CTDSPL2: variants seen among roughly 807,000 people sequenced by gnomAD.
The protein encoded by CTDSPL2 is CTD small phosphatase like 2, also known as CTD small phosphatase-like protein 2.
In CTDSPL2, 5 loss-of-function variants were observed where a neutral mutation model predicts 60.0. The ratio of observed to expected loss-of-function variants is 0.08; its 90% CI spans 0.04 to 0.18. The LOEUF (loss-of-function observed/expected upper bound fraction) is 0.18. Among genes scored for constraint, CTDSPL2 ranks in the 10% least tolerant of loss-of-function variants. The pLI, the probability that CTDSPL2 is intolerant of heterozygous loss-of-function variation, is 1.00. For synonymous variants in CTDSPL2, 186 were observed against 189.3 expected (o/e 0.98, Z 0.14); for missense variants, 370 against 548.8 (o/e 0.67, Z 3.26).
intron 2 of CTDSPL2, among the ~76,000 whole-genome samples, chr15:44,464,904 C>T (rs1022084189): frequency 6.6e-6 from 1 of 152,120 alleles, no homozygotes; most frequent in Non-Finnish European, 1.5e-5. Context: ...TGGGGTTTCT[C>T]CATGTTGCCC....
chr15:44,453,748 C>T (rs974598091), intron 1 of CTDSPL2, among the ~76,000 whole-genome samples: 2 of 152,110 alleles, frequency 1.3e-5, no homozygotes, highest in African/African-American at 4.8e-5. Flanking sequence ...CTACAAAGGA[C>T]ATGAACTCAT....
intron 1 of CTDSPL2, among the ~76,000 whole-genome samples, chr15:44,434,274 C>T (rs2079927557): frequency 1.3e-5 from 2 of 152,102 alleles, no homozygotes; most frequent in African/African-American, 2.4e-5. Context: ...GTGGCGCATG[C>T]CTGTAGTCCC....
intron 10 of CTDSPL2, among the ~76,000 whole-genome samples, chr15:44,515,917 C>T (rs1055849428): frequency 1.3e-5 from 2 of 150,288 alleles, no homozygotes; most frequent in Admixed American, 6.6e-5. Flanking sequence ...TTGGTTCGTT[C>T]GTTCTTTCTC....
chr15:44,427,842 C>T, intron 1 of CTDSPL2, 70 bp downstream of exon 1: 1 of 396,442 alleles, frequency 2.5e-6, no homozygotes, highest in East Asian at 3.6e-5. Context: ...GGGCCGTCTG[C>T]CGGGATCTCC....
chr15:44,456,091 C>G (rs1008690829), intron 1 of CTDSPL2, among the ~76,000 whole-genome samples: 81 of 151,884 alleles, frequency 5.3e-4, no homozygotes, highest in Non-Finnish European at 7.5e-4. Context: ...ACCTCGTGAT[C>G]CACCCGCCTC....
chr15:44,458,184 A>C (rs549514373), intron 1 of CTDSPL2, among the ~76,000 whole-genome samples: 1 of 152,362 alleles, frequency 6.6e-6, no homozygotes, highest in East Asian at 1.9e-4. Context: ...GTGATAAAAC[A>C]TAACTAAGTG....
At chr15:44,465,052 C>T (rs1472546527) in intron 2 of CTDSPL2, among the ~76,000 whole-genome samples, 10 of 152,034 alleles carry the variant, frequency 6.6e-5, no homozygotes, top group East Asian at 1.9e-4. Flanking sequence ...TCTTCAAATA[C>T]GGTCACGTTC....
intron 2 of CTDSPL2, among the ~76,000 whole-genome samples, chr15:44,467,068 T>C (rs866858918): frequency 1.3e-5 from 2 of 152,222 alleles, no homozygotes; most frequent in South Asian, 4.1e-4. Flanking sequence ...TAGAGTATTA[T>C]AATCTTACGA....
intron 5 of CTDSPL2, 107 bp from the exon 6 acceptor site, chr15:44,496,273 T>TG: frequency 1.3e-6 from 1 of 749,712 alleles, no homozygotes; most frequent in Non-Finnish European, 2.2e-6. Context: ...ATTTCTGTCT[T>TG]TAAAATACAC....
At chr15:44,441,357 G>A (rs1171322847) in intron 1 of CTDSPL2, among the ~76,000 whole-genome samples, 1 of 152,048 alleles carries the variant, frequency 6.6e-6, no homozygotes, top group Non-Finnish European at 1.5e-5. Flanking sequence ...TTTTCCCATT[G>A]TAGAAGCTGC....
At chr15:44,515,968 A>G (rs372085129) in intron 10 of CTDSPL2, among the ~76,000 whole-genome samples, 1 of 125,052 alleles carries the variant, frequency 8.0e-6, no homozygotes, top group Admixed American at 8.1e-5. Flanking sequence ...CTCTTTCTCT[A>G]TTTCTTTCTT....
At chr15:44,502,092 C>T in intron 8 of CTDSPL2, 1 of 371,672 alleles carries the variant, frequency 2.7e-6, no homozygotes, top group Non-Finnish European at 5.4e-6. Context: ...TATGATGTGG[C>T]CCACTTAAAG....
intron 4 of CTDSPL2, among the ~76,000 whole-genome samples, chr15:44,489,377 G>A (rs928032027): frequency 1.3e-5 from 2 of 152,118 alleles, no homozygotes; most frequent in Non-Finnish European, 2.9e-5. Flanking sequence ...GATACACCAC[G>A]AAGTCTAACT....
chr15:44,526,309 A>T lies in CTDSPL2; in HGVS notation c.*2135A>T, dbSNP rs2081872756. 1 of 152,106 alleles carries T rather than the reference A, an allele frequency of 6.6e-6. No individual in the cohort carries two copies. Among genetic ancestry groups the T allele is most frequent in the African/African-American group, 2.4e-5 (1 of 41,450 alleles). 9.4% of individuals were successfully genotyped at this position (152,106 alleles called of 1,614,324 possible). ...CAGCATGCATTCTGATTGCTGAAAG[A>T]TTTCCTGATTTAGTGCATTCTCAAA... On this transcript the variant is annotated 3_prime_UTR_variant, in exon 13 of 13. Coordinates refer to ENST00000260327, the MANE Select transcript of CTDSPL2 (RefSeq NM_016396.3).
chr15:44,441,235 T>G (rs1312201453), intron 1 of CTDSPL2, among the ~76,000 whole-genome samples: 2 of 152,172 alleles, frequency 1.3e-5, no homozygotes, highest in Admixed American at 1.3e-4. Flanking sequence ...TTTTTTTCTT[T>G]CACTCCCCCG....
At chr15:44,428,336 A>C (rs554639685) in intron 1 of CTDSPL2, among the ~76,000 whole-genome samples, 1 of 152,212 alleles carries the variant, frequency 6.6e-6, no homozygotes, top group African/African-American at 2.4e-5. Flanking sequence ...AGAACAGTCC[A>C]TGTGGAAGGC....
At chr15:44,440,440 CCTGCCTTGGCCTCCAAAAGTG>C (rs2141277034) in intron 1 of CTDSPL2, among the ~76,000 whole-genome samples, 1 of 152,218 alleles carries the variant, frequency 6.6e-6, no homozygotes, top group East Asian at 1.9e-4. Flanking sequence ...AGGTGATCTG[CCTGCCTTGGCCTCCAAAAGTG>C]CTGGGATTAC....
At chr15:44,456,704 T>C (rs1241805145) in intron 1 of CTDSPL2, among the ~76,000 whole-genome samples, 2 of 151,386 alleles carry the variant, frequency 1.3e-5, no homozygotes, top group Non-Finnish European at 2.9e-5. Flanking sequence ...CCTGGATTCA[T>C]TGATTTTTTT....
chr15:44,515,923 TTC>T (rs201686795), intron 10 of CTDSPL2, among the ~76,000 whole-genome samples: 2 of 151,478 alleles, frequency 1.3e-5, no homozygotes, highest in African/African-American at 4.8e-5. Flanking sequence ...CGTTCGTTCT[TTC>T]TCTCTCTCTT....
Sources: allele counts gnomAD v4.1 joint callset (sites outside exome capture counted in the v4.1 genomes callset), GRCh38; gene constraint gnomAD v4.1.1; transcripts MANE v1.5; gene names NCBI Gene and HGNC (gene_info 2026-07-23, HGNC 2026-07-21).